The following DCAF6 variants were observed in gnomAD, a reference collection of about 807,000 sequenced individuals.
The protein encoded by DCAF6 is DDB1 and CUL4 associated factor 6, also known as DDB1- and CUL4-associated factor 6.
DCAF6 carries 54 observed loss-of-function variants against 125.1 expected under a neutral mutation model. The observed-to-expected ratio is 0.43, with a 90% CI of 0.35 to 0.54. The LOEUF (loss-of-function observed/expected upper bound fraction) is 0.54. Ranked by LOEUF, DCAF6 falls within the 20% of genes least tolerant of loss-of-function variation. The probability of loss-of-function intolerance (pLI) is 0.01; values close to 1 mark genes in which losing one functional copy is unlikely to be tolerated. For missense variants in DCAF6, 934 were observed against 1,161.7 expected (o/e 0.80, Z 2.85); for synonymous variants, 371 against 390.4 (o/e 0.95, Z 0.58).
chr1:167,904,029 G>C, the DCAF6 span: 2 of 1,453,342 alleles, frequency 1.4e-6, no homozygotes, highest in Non-Finnish European at 1.9e-6. Context: ...TGGCTGCTTG[G>C]GGGAATCAAA....
intron 1 of DCAF6, among the ~76,000 whole-genome samples, chr1:167,937,406 C>T (rs1208794829): frequency 6.6e-6 from 1 of 152,138 alleles, no homozygotes; most frequent in East Asian, 1.9e-4. Flanking sequence ...AAGTTGTTGC[C>T]CACCCTCTCC....
chr1:167,889,543 G>C, the DCAF6 span, among the ~76,000 whole-genome samples: 5 of 151,870 alleles, frequency 3.3e-5, no homozygotes, highest in Non-Finnish European at 5.9e-5. Flanking sequence ...TTCTTTTTTT[G>C]ATGTACTTTT....
intron 3 of DCAF6, among the ~76,000 whole-genome samples, chr1:167,971,993 C>A (rs1677393000): frequency 6.6e-6 from 1 of 152,046 alleles, no homozygotes; most frequent in Admixed American, 6.6e-5. Flanking sequence ...GTAGCTGGGA[C>A]TACAGGGATG....
intron 6 of DCAF6, among the ~76,000 whole-genome samples, chr1:167,992,787 A>AT: frequency 6.6e-6 from 1 of 152,332 alleles, no homozygotes; most frequent in African/African-American, 2.4e-5. Flanking sequence ...GCAATCAGAA[A>AT]TTTTTTTAAA....
At chr1:167,984,406 G>A (rs1679645564) in intron 4 of DCAF6, among the ~76,000 whole-genome samples, 1 of 152,130 alleles carries the variant, frequency 6.6e-6, no homozygotes, top group African/African-American at 2.4e-5. Flanking sequence ...TTTTATAATA[G>A]TGTGAGTACA....
At chr1:167,953,065 A>G (rs2102724206) in intron 2 of DCAF6, among the ~76,000 whole-genome samples, 1 of 152,306 alleles carries the variant, frequency 6.6e-6, no homozygotes. Flanking sequence ...ACATTTTCTT[A>G]TATAACCAAA....
the DCAF6 span, among the ~76,000 whole-genome samples, chr1:167,895,172 C>G: frequency 1.4e-5 from 2 of 145,678 alleles, no homozygotes; most frequent in Non-Finnish European, 3.0e-5. Flanking sequence ...CAGAGTGAGA[C>G]TCCATCTCAA....
At chr1:168,069,035 T>C (rs755989271) in intron 21 of DCAF6, among the ~76,000 whole-genome samples, 2 of 152,200 alleles carry the variant, frequency 1.3e-5, no homozygotes, top group Non-Finnish European at 2.9e-5. Flanking sequence ...ATTTCATAAA[T>C]GTCCCCATAC....
chr1:167,871,854 A>G, the DCAF6 span, among the ~76,000 whole-genome samples: 2 of 152,156 alleles, frequency 1.3e-5, no homozygotes, highest in Admixed American at 6.6e-5. Flanking sequence ...TTTGAACCTC[A>G]ATTTCGTGAG....
intron 12 of DCAF6, among the ~76,000 whole-genome samples, chr1:168,038,065 ACTATGTCATTG>A (rs1371883097): frequency 6.6e-6 from 1 of 152,212 alleles, no homozygotes; most frequent in African/African-American, 2.4e-5. Flanking sequence ...CCAGTTTGTA[ACTATGTCATTG>A]CATGTTAATA....
chr1:167,972,042 G>A (rs1413452174), intron 3 of DCAF6, among the ~76,000 whole-genome samples: 1 of 152,144 alleles, frequency 6.6e-6, no homozygotes, highest in African/African-American at 2.4e-5. Flanking sequence ...TTTTAGTGGA[G>A]ATGGGGTTTC....
intron 16 of DCAF6, among the ~76,000 whole-genome samples, chr1:168,047,876 T>C (rs1238692053): frequency 6.6e-6 from 1 of 152,146 alleles, no homozygotes; most frequent in East Asian, 1.9e-4. Context: ...TCGGTTATTA[T>C]AATTCTTAAC....
intron 6 of DCAF6, among the ~76,000 whole-genome samples, chr1:167,992,902 G>T (rs906041867): frequency 6.6e-6 from 1 of 152,064 alleles, no homozygotes; most frequent in African/African-American, 2.4e-5. Context: ...ATCTTAATTT[G>T]GGGGGAACTT....
intron 6 of DCAF6, 111 bp downstream of exon 6, chr1:167,991,450 ATT>A (rs1680822685): frequency 9.5e-7 from 1 of 1,052,500 alleles, no homozygotes. Flanking sequence ...AGAAAATAGT[ATT>A]TGTTTAATAT....
At chr1:168,033,863 G>A (rs956736446) in intron 12 of DCAF6, among the ~76,000 whole-genome samples, 1 of 152,204 alleles carries the variant, frequency 6.6e-6, no homozygotes, top group Non-Finnish European at 1.5e-5. Context: ...TAAAAACTTA[G>A]CAGTGTTGAA....
chr1:167,959,801 CCT>C (rs1170802396), intron 2 of DCAF6, among the ~76,000 whole-genome samples: 1 of 152,092 alleles, frequency 6.6e-6, no homozygotes, highest in East Asian at 1.9e-4. Context: ...AAGTATTTCC[CCT>C]GTCTTGTCTT....
chr1:168,057,616 T>TA (rs749602799), intron 17 of DCAF6, among the ~76,000 whole-genome samples: 79 of 152,200 alleles, frequency 5.2e-4, no homozygotes, highest in Non-Finnish European at 9.7e-4. Flanking sequence ...CTAGATACTC[T>TA]GGTGGGTGCT....
rs190266994 is a variant in DCAF6 at position 167,993,145 on chromosome 1, A to G, written c.689-81A>G. The stretch of plus-strand genomic sequence containing the variant: ...TGTATTGCTACATTAAGTCACATGT[A>G]ATAATTCAGATTAAGAGTTTTAAAA... On this transcript the variant is annotated intron_variant, in intron 6 of 21. Transcript: ENST00000367840. The G allele has an allele frequency of 3.6e-4, 433 of 1,196,454 alleles. 3 individuals carry two copies. The East Asian group carries it at 9.3e-3, about 26-fold the overall frequency. The allele number at this position is 1,196,454 out of a possible 1,614,324, so 74.1% of individuals were successfully genotyped here. A position where few individuals can be genotyped will look rare whatever the true frequency, so the allele number is the denominator to read the frequency against.
At chr1:168,012,826 A>G (rs972395786) in intron 10 of DCAF6, among the ~76,000 whole-genome samples, 1 of 152,232 alleles carries the variant, frequency 6.6e-6, no homozygotes, top group Non-Finnish European at 1.5e-5. Flanking sequence ...TAAATGGTTC[A>G]TAAGATTATC....
Sources: gnomAD v4.1 joint callset for allele counts (sites outside exome capture counted in the v4.1 genomes callset) on GRCh38, gnomAD v4.1.1 for gene constraint, MANE v1.5 for transcripts, NCBI Gene and HGNC (gene_info 2026-07-23, HGNC 2026-07-21) for gene names.